Variants in RIPK1 observed in about 807,000 individuals in gnomAD.
RIPK1 encodes the protein receptor interacting serine/threonine kinase 1, also known as receptor-interacting serine/threonine-protein kinase 1.
In RIPK1, 27 loss-of-function variants were observed where a neutral mutation model predicts 62.4. That is an observed-to-expected ratio of 0.43 (90% CI 0.32 to 0.60). RIPK1 has a LOEUF of 0.60. Ranked by LOEUF, RIPK1 falls within the 20% of genes least tolerant of loss-of-function variation. The pLI, the probability that RIPK1 is intolerant of heterozygous loss-of-function variation, is 0.07. For missense variants in RIPK1, 735 were observed against 831.0 expected (o/e 0.88, Z 1.42); for synonymous variants, 287 against 303.2 (o/e 0.95, Z 0.55).
rs1759097423 is a variant in RIPK1 at position 3,076,959 on chromosome 6, A to G, written c.136A>G (p.Thr46Ala). 2 of 1,610,304 alleles carry G rather than the reference A, an allele frequency of 1.2e-6. No individual in the cohort carries two copies. The highest frequency in any genetic ancestry group is 2.2e-5 in the South Asian group (2 of 90,572). ...HRTQGLMIMK[T>A]VYKGPNCIEH... ...AACCCAGGGACTCATGATCATGAAAACAGTGTACAAGGGGCCCAACTGCAT... is the reference window on the plus strand; with the variant it reads ...AACCCAGGGACTCATGATCATGAAAGCAGTGTACAAGGGGCCCAACTGCAT... Residue 46 changes from threonine to alanine, a missense_variant, in exon 2 of 11, where the codon ACA becomes GCA. This residue lies in a region of RIPK1 where 671 missense variants were observed against 726.2 expected (regional missense o/e 0.92). Coordinates refer to ENST00000259808, the MANE Select transcript of RIPK1 (RefSeq NM_001354930.2).
chr6:3,094,518 T>C (rs571270791), intron 7 of RIPK1, among the ~76,000 whole-genome samples: 170 of 151,504 alleles, frequency 1.1e-3, no homozygotes, highest in Non-Finnish European at 1.7e-3. Context: ...CACTACATAT[T>C]AAAATTATAA....
At chr6:3,110,461 G>A (rs1454078564) in intron 9 of RIPK1, among the ~76,000 whole-genome samples, 1 of 152,012 alleles carries the variant, frequency 6.6e-6, no homozygotes, top group East Asian at 1.9e-4. Flanking sequence ...ACCTGCATCA[G>A]CCTCCCAAAG....
rs183512622 is a variant in RIPK1, at chr6:3,107,542, G to A, written c.1576+1491G>A. On this transcript the variant is annotated intron_variant, in intron 9 of 10. Transcript: ENST00000259808. ...ATTGCACCACTGCACTCCAGCCTGG[G>A]TGACAGAGCGAGACTGTCGCAAAAA... 7.7e-3 allele frequency among the ~76,000 whole-genome samples: 1,107 copies of A among 144,580 alleles called. 9 individuals carry two copies. Among genetic ancestry groups the A allele is most frequent in the Middle Eastern group, 0.018 (5 of 278 alleles). 94.9% of individuals were successfully genotyped at this position (144,580 alleles called of 152,430 possible).
intron 1 of RIPK1, among the ~76,000 whole-genome samples, chr6:3,073,420 G>A (rs1013856976): frequency 6.6e-6 from 1 of 152,184 alleles, no homozygotes; most frequent in South Asian, 2.1e-4. Context: ...AAGGTCACAG[G>A]TTGGTGAGTC....
chr6:3,065,897 A>G (rs971390041), upstream of RIPK1, among the ~76,000 whole-genome samples: 1 of 152,220 alleles, frequency 6.6e-6, no homozygotes, highest in East Asian at 1.9e-4. Context: ...GAGTTAAAAC[A>G]CTGAACACAA....
chr6:3,087,693 C>G (rs1426273188), intron 6 of RIPK1, among the ~76,000 whole-genome samples: 1 of 152,038 alleles, frequency 6.6e-6, no homozygotes, highest in Non-Finnish European at 1.5e-5. Context: ...ACACCCGCCA[C>G]CACACCTGGC....
intron 5 of RIPK1, 74 bp from the exon 6 acceptor site, chr6:3,085,185 C>A: frequency 6.6e-7 from 1 of 1,520,052 alleles, no homozygotes; most frequent in African/African-American, 1.4e-5. Context: ...GAAAAATGAG[C>A]AGTATTGTTC....
chr6:3,101,885 T>G (rs1198510586), intron 7 of RIPK1, among the ~76,000 whole-genome samples: 1 of 152,142 alleles, frequency 6.6e-6, no homozygotes, highest in Non-Finnish European at 1.5e-5. Flanking sequence ...TACCACTATC[T>G]ATATCTAGAA....
chr6:3,089,077 T>C (rs1315023969), intron 6 of RIPK1, among the ~76,000 whole-genome samples: 4 of 152,342 alleles, frequency 2.6e-5, no homozygotes, highest in Non-Finnish European at 5.9e-5. Context: ...ATAAATAATA[T>C]ATAGGATGTT....
chr6:3,075,319 A>G (rs2326173), intron 1 of RIPK1, among the ~76,000 whole-genome samples: 90,696 of 151,958 alleles, frequency 0.6, 27,723 homozygotes, highest in Non-Finnish European at 0.66. Flanking sequence ...AGTTTGGGGA[A>G]AATGAATGAA....
At chr6:3,066,537 A>C (rs1758388554), upstream of RIPK1, among the ~76,000 whole-genome samples, 1 of 152,134 alleles carries the variant, frequency 6.6e-6, no homozygotes, top group Admixed American at 6.5e-5. Flanking sequence ...ATATGTGTAC[A>C]TCTTTTAAAA....
chr6:3,107,366 C>A (rs1760905055), intron 9 of RIPK1, among the ~76,000 whole-genome samples: 1 of 146,180 alleles, frequency 6.8e-6, no homozygotes, highest in Admixed American at 7.0e-5. Flanking sequence ...ACCATCCTGG[C>A]TAACACGGTG....
At chr6:3,096,138 C>T (rs973882868) in intron 7 of RIPK1, among the ~76,000 whole-genome samples, 1 of 152,148 alleles carries the variant, frequency 6.6e-6, no homozygotes, top group Admixed American at 6.5e-5. Flanking sequence ...GTGTCCAGCC[C>T]ACCTTTCTCT....
Position 3,089,616 on chromosome 6 carries a change from CAATT to C in RIPK1, c.876_879del (p.Leu293LysfsTer4). On this transcript the variant is annotated frameshift_variant, in exon 7 of 11. Coordinates refer to ENST00000259808, the MANE Select transcript of RIPK1 (RefSeq NM_001354930.2). LOFTEE classifies it high-confidence loss of function. The stretch of plus-strand genomic sequence containing the variant: ...AAAATTTAGGCCTTTTTATTTAAGT[CAATT>C]AGAAGAAAGTGTAGAAGAGGACGTG... 6.3e-7 allele frequency: 1 copy of C among 1,583,868 alleles called. No individual in the cohort carries two copies. The highest frequency in any genetic ancestry group is 8.7e-7 in the Non-Finnish European group (1 of 1,156,006).
At chr6:3,096,691 C>T (rs1760327966) in intron 7 of RIPK1, among the ~76,000 whole-genome samples, 1 of 149,700 alleles carries the variant, frequency 6.7e-6, no homozygotes, top group African/African-American at 2.5e-5. Flanking sequence ...TCCTGAGTAG[C>T]TGGGACTACA....
intron 1 of RIPK1, among the ~76,000 whole-genome samples, chr6:3,070,394 T>G (rs1758647951): frequency 6.6e-6 from 1 of 152,222 alleles, no homozygotes; most frequent in South Asian, 2.1e-4. Flanking sequence ...TGTATTAATC[T>G]GTAGAACATT....
In RIPK1 at chr6:3,113,306, T is replaced by C; in HGVS notation, c.1983T>C (p.Leu661=). Residue 661 remains leucine (L), a synonymous_variant, in exon 11 of 11, where the codon CTT becomes CTC. Coordinates refer to ENST00000259808, the MANE Select transcript of RIPK1 (RefSeq NM_001354930.2). This position sits in a 1 kb window ranked among gnomAD's most constrained non-coding sequence, Gnocchi z 5.0. ...QALHQCSRID[L]LSSLIYVSQN ...TCCACCAGTGTTCCAGGATCGACCT[T>C]CTGAGCAGCTTGATTTACGTCAGCC... is the stretch of plus-strand genomic sequence containing the variant. The C allele has an allele frequency of 6.2e-7, 1 of 1,614,044 alleles. No homozygotes were observed. The highest frequency in any genetic ancestry group is 8.5e-7 in the Non-Finnish European group (1 of 1,179,996).
upstream of RIPK1, among the ~76,000 whole-genome samples, chr6:3,067,051 A>ATTTTTTTTTTTTTT (rs36132424): frequency 5.1e-4 from 30 of 59,044 alleles, no homozygotes; most frequent in African/African-American, 8.2e-4. Context: ...TTGCTCCAGG[A>ATTTTTTTTTTTTTT]TTTTTTTTTT....
chr6:3,109,809 C>T (rs184777104), intron 9 of RIPK1, among the ~76,000 whole-genome samples: 34 of 152,264 alleles, frequency 2.2e-4, no homozygotes, highest in Admixed American at 1.6e-3. Context: ...CTCCCAGCCC[C>T]GGACAACCAC....
Sources: gnomAD v4.1 joint callset for allele counts (sites outside exome capture counted in the v4.1 genomes callset) on GRCh38, gnomAD v4.1.1 for gene constraint, gnomAD v4.1.1 regional missense constraint, Gnocchi (gnomAD v3.1) non-coding constraint, MANE v1.5 for transcripts, NCBI Gene and HGNC (gene_info 2026-07-23, HGNC 2026-07-21) for gene names.